The following CLVS1 variants were observed in gnomAD, a reference collection of about 807,000 sequenced individuals.
CLVS1 encodes the protein clavesin-1.
A neutral mutation model predicts 33.1 loss-of-function variants in CLVS1; 10 were observed. The observed-to-expected ratio is 0.30, with a 90% confidence interval of 0.19 to 0.51. The LOEUF is 0.51. Among genes scored for constraint, CLVS1 ranks in the 20% least tolerant of loss-of-function variants. CLVS1 has a pLI of 0.97. For missense variants in CLVS1, 343 were observed against 433.4 expected (o/e 0.79, Z 1.85); for synonymous variants, 163 against 166.1 (o/e 0.98, Z 0.14).
intron 5 of CLVS1, among the ~76,000 whole-genome samples, chr8:61,474,380 A>G (rs949439148): frequency 2.6e-5 from 4 of 152,190 alleles, no homozygotes; most frequent in East Asian, 1.9e-4. Flanking sequence ...ATGAAGATGC[A>G]GCGGGCTCAG....
intron 2 of CLVS1, among the ~76,000 whole-genome samples, chr8:61,258,004 G>A (rs1170112256): frequency 6.6e-6 from 1 of 152,074 alleles, no homozygotes; most frequent in Non-Finnish European, 1.5e-5. Context: ...GCCAGGAGCA[G>A]GGGGAAAGGC....
chr8:61,376,907 C>T, intron 3 of CLVS1, 128 bp downstream of exon 3: 1 of 814,318 alleles, frequency 1.2e-6, no homozygotes, highest in Non-Finnish European at 1.8e-6. Flanking sequence ...CATCTGAGTA[C>T]TCCATGTTTT....
intron 1 of CLVS1, among the ~76,000 whole-genome samples, chr8:61,082,929 A>G (rs1378172204): frequency 6.6e-6 from 1 of 152,062 alleles, no homozygotes; most frequent in Non-Finnish European, 1.5e-5. Context: ...CTCAGCTACT[A>G]AGGAGGGTGA....
the CLVS1 span, among the ~76,000 whole-genome samples, chr8:61,027,858 C>A: frequency 6.6e-6 from 1 of 152,182 alleles, no homozygotes; most frequent in African/African-American, 2.4e-5. Context: ...TTAAGAATAT[C>A]ATTTTCCTCA....
the CLVS1 span, among the ~76,000 whole-genome samples, chr8:61,046,421 G>T: frequency 2.7e-5 from 4 of 146,956 alleles, no homozygotes; most frequent in South Asian, 8.8e-4. Context: ...GTCAGGTAGT[G>T]TGATGCCTCC....
At chr8:61,155,447 A>G (rs548858401) in intron 2 of CLVS1, among the ~76,000 whole-genome samples, 1 of 152,354 alleles carries the variant, frequency 6.6e-6, no homozygotes, top group South Asian at 2.1e-4. Flanking sequence ...CTGTGCTTCA[A>G]TCACTGAAAT....
At chr8:61,079,922 A>G (rs1223281228) in intron 1 of CLVS1, among the ~76,000 whole-genome samples, 2 of 152,234 alleles carry the variant, frequency 1.3e-5, no homozygotes, top group African/African-American at 4.8e-5. Flanking sequence ...AAGTCAGTAG[A>G]AAAAGTTTAC....
upstream of CLVS1, among the ~76,000 whole-genome samples, chr8:61,287,274 G>A (rs915431551): frequency 3.9e-5 from 6 of 152,116 alleles, no homozygotes; most frequent in African/African-American, 1.4e-4. Flanking sequence ...AAAAAAATGT[G>A]TTTATTATGC....
Position 61,500,569 on chromosome 8 carries a change from G to T in CLVS1, c.*1027G>T, listed in dbSNP as rs184558557. ...AGAAATGCAGGATGAAATGTCAAAG[G>T]TCATTTTATTTACCTAGTCTCCTTA... On this transcript the variant is annotated 3_prime_UTR_variant, in exon 6 of 6. Coordinates refer to ENST00000325897, the MANE Select transcript of CLVS1 (RefSeq NM_173519.3). 1.3e-5 allele frequency: 2 copies of T among 152,094 alleles called. No individual in the cohort carries two copies. Among genetic ancestry groups the T allele is most frequent in the Non-Finnish European group, 2.9e-5 (2 of 68,030 alleles). The allele number at this position is 152,094 out of a possible 1,614,324, so 9.4% of individuals were successfully genotyped here.
intron 3 of CLVS1, 162 bp downstream of exon 3, chr8:61,376,941 CTT>C: frequency 1.8e-6 from 1 of 560,102 alleles, no homozygotes; most frequent in Non-Finnish European, 2.9e-6. Context: ...GTTTTAGATG[CTT>C]TTTAAAATTA....
At chr8:61,404,028 G>C (rs1001677257) in intron 3 of CLVS1, among the ~76,000 whole-genome samples, 1 of 152,202 alleles carries the variant, frequency 6.6e-6, no homozygotes. Flanking sequence ...CCATAGAATG[G>C]GAATAAGCAG....
intron 1 of CLVS1, among the ~76,000 whole-genome samples, chr8:61,081,102 T>C (rs934057933): frequency 6.6e-6 from 1 of 152,106 alleles, no homozygotes; most frequent in African/African-American, 2.4e-5. Context: ...ACTAGGAATG[T>C]TGTATTTAAT....
At chr8:61,001,973 T>G in the CLVS1 span, among the ~76,000 whole-genome samples, 2 of 151,214 alleles carry the variant, frequency 1.3e-5, no homozygotes, top group Non-Finnish European at 2.9e-5. Flanking sequence ...TGTTGTGCCT[T>G]CAATCAACCC....
intron 5 of CLVS1, among the ~76,000 whole-genome samples, chr8:61,477,635 A>G (rs1035349136): frequency 2.6e-5 from 4 of 152,110 alleles, no homozygotes; most frequent in Admixed American, 6.6e-5. Flanking sequence ...CTGTGGGATC[A>G]GTGGTGATAT....
intron 1 of CLVS1, among the ~76,000 whole-genome samples, chr8:61,063,283 GAGAGAGAGAGAT>G (rs1203959986): frequency 0.02 from 2,506 of 122,344 alleles, 104 homozygotes; most frequent in African/African-American, 0.063. Flanking sequence ...GAGAGAGAGA[GAGAGAGAGAGAT>G]AGAGAGAGAG....
chr8:61,388,636 AT>A (rs1371546661), intron 3 of CLVS1, among the ~76,000 whole-genome samples: 2 of 151,756 alleles, frequency 1.3e-5, no homozygotes, highest in Non-Finnish European at 2.9e-5. Context: ...TTTATTATTT[AT>A]TTTTTAACTT....
intron 1 of CLVS1, among the ~76,000 whole-genome samples, chr8:61,124,611 C>T (rs1805938108): frequency 6.6e-6 from 1 of 152,188 alleles, no homozygotes; most frequent in African/African-American, 2.4e-5. Context: ...AAGCCCCAGA[C>T]TTTGGTACTT....
intron 3 of CLVS1, among the ~76,000 whole-genome samples, chr8:61,422,486 T>A (rs1815717676): frequency 6.6e-6 from 1 of 152,186 alleles, no homozygotes. Flanking sequence ...TCAATGTTAT[T>A]TGCCTTGATA....
chr8:61,079,624 AG>A (rs1227861215), intron 1 of CLVS1, among the ~76,000 whole-genome samples: 1 of 152,210 alleles, frequency 6.6e-6, no homozygotes, highest in Admixed American at 6.5e-5. Flanking sequence ...TGCCCTGCAT[AG>A]ACTAACAGAG....
Sources: allele counts gnomAD v4.1 joint callset (sites outside exome capture counted in the v4.1 genomes callset), GRCh38; gene constraint gnomAD v4.1.1; transcripts MANE v1.5; gene names NCBI Gene and HGNC (gene_info 2026-07-23, HGNC 2026-07-21).